PITHD1: variants seen among roughly 807,000 people sequenced by gnomAD.
PITHD1 encodes the protein PITH domain-containing protein 1.
PITHD1 carries 8 observed loss-of-function variants against 27.5 expected under a neutral mutation model. The ratio of observed to expected loss-of-function variants is 0.29; its 90% confidence interval spans 0.17 to 0.52. The LOEUF (loss-of-function observed/expected upper bound fraction) is 0.52. PITHD1 is among the 20% of genes least tolerant of loss of function. The pLI is 0.96. For missense variants in PITHD1, 233 were observed against 283.9 expected, an observed-to-expected ratio of 0.82 and a Z score of 1.29; for synonymous variants, 118 against 106.8, an observed-to-expected ratio of 1.10 and a Z score of -0.64.
In PITHD1 at chr1:23,778,445, T is replaced by C; in HGVS notation, c.-71T>C. On this transcript the variant is annotated 5_prime_UTR_variant, in exon 1 of 6. Coordinates refer to ENST00000246151, the MANE Select transcript of PITHD1 (RefSeq NM_020362.5). Reference sequence around the variant, plus strand: ...TTGCCGGAGCTGAACGGCGCGGAGCTGGTCTGAGGCGAGCCGAGCCGAGCG... The same window carrying C: ...TTGCCGGAGCTGAACGGCGCGGAGCCGGTCTGAGGCGAGCCGAGCCGAGCG... 1 of 1,055,306 alleles carries C rather than the reference T, an allele frequency of 9.5e-7. No homozygotes were observed. The highest frequency in any genetic ancestry group is 1.2e-6 in the Non-Finnish European group (1 of 828,182). The allele number at this position is 1,055,306 out of a possible 1,614,324, so 65.4% of individuals were successfully genotyped here. A position where few individuals can be genotyped will look rare whatever the true frequency, so the allele number is the denominator to read the frequency against.
Position 23,778,500 on chromosome 1 carries a change from A to T in PITHD1, c.-16A>T. 7.4e-7 allele frequency: 1 copy of T among 1,345,096 alleles called. No homozygotes were observed. The highest frequency in any genetic ancestry group is 9.5e-7 in the Non-Finnish European group (1 of 1,053,892). The allele number at this position is 1,345,096 out of a possible 1,614,324, so 83.3% of individuals were successfully genotyped here. On this transcript the variant is annotated 5_prime_UTR_variant, in exon 1 of 6. Coordinates refer to ENST00000246151, the MANE Select transcript of PITHD1 (RefSeq NM_020362.5). Reference sequence around the variant, plus strand: ...CGGCGGTGGGGCCGAGAGGACGCGCAGGTGGCGGCGTTGCCATGTCGCACG... The same window carrying T: ...CGGCGGTGGGGCCGAGAGGACGCGCTGGTGGCGGCGTTGCCATGTCGCACG...
chr1:23,784,313 T>C (rs545357772), intron 3 of PITHD1, among the ~76,000 whole-genome samples: 37 of 137,762 alleles, frequency 2.7e-4, no homozygotes, highest in African/African-American at 8.9e-4. Flanking sequence ...CCATCTCGGC[T>C]CACTCCAAGT....
intron 3 of PITHD1, among the ~76,000 whole-genome samples, chr1:23,782,964 T>C (rs578129237): frequency 1.3e-5 from 2 of 152,212 alleles, no homozygotes; most frequent in East Asian, 3.9e-4. Context: ...TTGTCAATTA[T>C]TGTAAAATGG....
intron 3 of PITHD1, among the ~76,000 whole-genome samples, chr1:23,783,300 T>C (rs1323222979): frequency 1.3e-5 from 2 of 150,416 alleles, no homozygotes; most frequent in Non-Finnish European, 3.0e-5. Flanking sequence ...TATATATGTA[T>C]ATCTACATAT....
Position 23,778,661 on chromosome 1 carries a change from G to T in PITHD1, c.146G>T (p.Gly49Val). The T allele has an allele frequency of 1.5e-6, 2 of 1,326,478 alleles. No individual in the cohort carries two copies. The highest frequency in any genetic ancestry group is 2.1e-5 in the South Asian group (1 of 47,266). The allele number at this position is 1,326,478 out of a possible 1,614,324, so 82.2% of individuals were successfully genotyped here. A position where few individuals can be genotyped will look rare whatever the true frequency, so the allele number is the denominator to read the frequency against. Residue 49 changes from glycine to valine, a missense_variant, in exon 1 of 6, where the codon GGC becomes GTC. By Grantham distance (109) the Gly-to-Val change is moderately radical (BLOSUM62 -3). Coordinates refer to ENST00000246151, the MANE Select transcript of PITHD1 (RefSeq NM_020362.5). ...RLQCLNESRE[G>V]SGRGVFKPWE... Reference sequence around the variant, plus strand: ...CAATGCCTTAACGAGAGCCGCGAGGGCAGCGGCCGCGGCGTCTTCAAGCCG... The same window carrying T: ...CAATGCCTTAACGAGAGCCGCGAGGTCAGCGGCCGCGGCGTCTTCAAGCCG...
intron 3 of PITHD1, among the ~76,000 whole-genome samples, chr1:23,781,262 A>G (rs555480852): frequency 6.6e-6 from 1 of 152,336 alleles, no homozygotes; most frequent in East Asian, 1.9e-4. Flanking sequence ...CAGGAGTTCA[A>G]GATCATCCTG....
chr1:23,781,234 G>A (rs1010321389), intron 3 of PITHD1, among the ~76,000 whole-genome samples: 4 of 151,972 alleles, frequency 2.6e-5, no homozygotes, highest in African/African-American at 4.8e-5. Context: ...AGGCCGAGGC[G>A]GGCGGATCAC....
chr1:23,781,345 C>G (rs951457616), intron 3 of PITHD1, among the ~76,000 whole-genome samples: 1 of 152,068 alleles, frequency 6.6e-6, no homozygotes, highest in Non-Finnish European at 1.5e-5. Context: ...GGCCTGTAAT[C>G]CTAGCTACTG....
intron 4 of PITHD1, 68 bp from the exon 5 acceptor site, chr1:23,786,247 C>A: frequency 1.5e-6 from 1 of 673,358 alleles, no homozygotes; most frequent in Non-Finnish European, 2.6e-6. Context: ...ATTGTTGTTT[C>A]ACATGGTGGT....
chr1:23,787,069 C>T (rs1482188122), intron 5 of PITHD1, among the ~76,000 whole-genome samples: 1 of 152,088 alleles, frequency 6.6e-6, no homozygotes, highest in African/African-American at 2.4e-5. Flanking sequence ...CAGGGTGAAT[C>T]AATGATAATG....
At position 23,779,410 on chromosome 1, in the gene PITHD1, TCTCCTCCCCC is replaced by T; in HGVS notation, c.199-23_199-14del. On this transcript the variant is annotated intron_variant, in intron 1 of 5. Transcript: ENST00000246151. Reference sequence around the variant, plus strand: ...GGCTCTCAGCAAATATTTGTTGCTTTCTCCTCCCCCCTCCCCATCCCCTCCAGTTTGTTGA... The same window carrying T: ...GGCTCTCAGCAAATATTTGTTGCTTTCTCCCCATCCCCTCCAGTTTGTTGA... The T allele has an allele frequency of 6.3e-7, 1 of 1,593,716 alleles. No homozygotes were observed. The highest frequency in any genetic ancestry group is 2.2e-5 in the East Asian group (1 of 44,784).
Position 23,787,746 on chromosome 1 carries a change from T to TA in PITHD1, c.*373dup, listed in dbSNP as rs1283857059. ...TTTTTTGTTTTTGTTTTTGTTTTTT[T>TA]AAAGGAAACTATTTGTGGGCTATAG... On this transcript the variant is annotated 3_prime_UTR_variant, in exon 6 of 6. Transcript: ENST00000246151. 6.3e-6 allele frequency: 1 copy of TA among 159,090 alleles called. No individual in the cohort carries two copies. Among genetic ancestry groups the TA allele is most frequent in the Admixed American group, 6.4e-5 (1 of 15,548 alleles). The allele number at this position is 159,090 out of a possible 1,614,324, so 9.9% of individuals were successfully genotyped here. A position where few individuals can be genotyped will look rare whatever the true frequency, so the allele number is the denominator to read the frequency against.
At chr1:23,778,844 C>T in intron 1 of PITHD1, 131 bp downstream of exon 1, 1 of 494,388 alleles carries the variant, frequency 2.0e-6, no homozygotes, top group Non-Finnish European at 3.2e-6. Context: ...CTGTCTCCTG[C>T]CAGCTCTTTG....
chr1:23,784,078 A>G (rs951951410), intron 3 of PITHD1, among the ~76,000 whole-genome samples: 2 of 152,186 alleles, frequency 1.3e-5, no homozygotes, highest in African/African-American at 2.4e-5. Context: ...CTCAGCTGGT[A>G]AGTGACAGAG....
At chr1:23,783,392 T>C (rs556615199) in intron 3 of PITHD1, among the ~76,000 whole-genome samples, 24 of 79,596 alleles carry the variant, frequency 3.0e-4, no homozygotes, top group South Asian at 1.0e-3. Context: ...TATATATACA[T>C]ATATACGCAT....
At chr1:23,784,966 T>C (rs1330841452) in intron 3 of PITHD1, among the ~76,000 whole-genome samples, 1 of 152,248 alleles carries the variant, frequency 6.6e-6, no homozygotes, top group Non-Finnish European at 1.5e-5. Context: ...ATCTCTTAAC[T>C]GTGTGTAATA....
At chr1:23,786,499 G>C in intron 5 of PITHD1, 76 bp downstream of exon 5, 1 of 565,186 alleles carries the variant, frequency 1.8e-6, no homozygotes, top group East Asian at 3.0e-5. Context: ...TTCCAGGGAA[G>C]GGAAAAGAGC....
At chr1:23,780,178 A>G (rs1570609683) in intron 3 of PITHD1, among the ~76,000 whole-genome samples, 1 of 152,220 alleles carries the variant, frequency 6.6e-6, no homozygotes, top group Non-Finnish European at 1.5e-5. Flanking sequence ...AGTGCTTACT[A>G]TGACATGATT....
Position 23,787,485 on chromosome 1 carries a change from T to A in PITHD1, c.*109T>A. 1.5e-6 allele frequency: 1 copy of A among 646,432 alleles called. No individual in the cohort carries two copies. The highest frequency in any genetic ancestry group is 2.8e-6 in the Non-Finnish European group (1 of 359,948). The allele number at this position is 646,432 out of a possible 1,614,324, so 40.0% of individuals were successfully genotyped here. A position where few individuals can be genotyped will look rare whatever the true frequency, so the allele number is the denominator to read the frequency against. ...AGAGAGAGTTGGCTGCCACAGCCTC[T>A]GCCAAGCTTTGTCTTTGGGGCTTGC... On this transcript the variant is annotated 3_prime_UTR_variant, in exon 6 of 6. Coordinates refer to ENST00000246151, the MANE Select transcript of PITHD1 (RefSeq NM_020362.5).
Sources: gnomAD v4.1 joint callset for allele counts (sites outside exome capture counted in the v4.1 genomes callset) on GRCh38, gnomAD v4.1.1 for gene constraint, MANE v1.5 for transcripts, NCBI Gene and HGNC (gene_info 2026-07-23, HGNC 2026-07-21) for gene names.